The following SLC25A21 variants were observed in gnomAD, a reference collection of about 807,000 sequenced individuals.
The protein encoded by SLC25A21 is mitochondrial 2-oxodicarboxylate carrier.
In SLC25A21, 47 loss-of-function variants were observed where a neutral mutation model predicts 43.8. That is an observed-to-expected ratio of 1.07 (90% confidence interval 0.85 to 1.37). The LOEUF (loss-of-function observed/expected upper bound fraction) is 1.37. Among genes scored for constraint, SLC25A21 ranks in the 40% most tolerant of loss-of-function variants. SLC25A21 has a pLI of 0.00. For synonymous variants in SLC25A21, 131 were observed against 121.3 expected, an observed-to-expected ratio of 1.08 and a Z score of -0.52; for missense variants, 352 against 350.2, an observed-to-expected ratio of 1.00 and a Z score of -0.04.
At chr14:37,072,734 C>T (rs1962198345) in intron 1 of SLC25A21, among the ~76,000 whole-genome samples, 1 of 151,982 alleles carries the variant, frequency 6.6e-6, no homozygotes, top group Admixed American at 6.6e-5. Flanking sequence ...GAGCAAGACT[C>T]TGTCTCAAAA....
chr14:37,092,701 G>A (rs925369545), intron 1 of SLC25A21, among the ~76,000 whole-genome samples: 6 of 151,972 alleles, frequency 3.9e-5, no homozygotes, highest in East Asian at 1.9e-4. Flanking sequence ...AAAGTGGGGC[G>A]GAAAAACAAG....
At chr14:36,875,862 G>A (rs1206316620) in intron 1 of SLC25A21, among the ~76,000 whole-genome samples, 1 of 152,094 alleles carries the variant, frequency 6.6e-6, no homozygotes, top group East Asian at 1.9e-4. Context: ...TGTAACAATA[G>A]GAGTAGTACA....
intron 7 of SLC25A21, among the ~76,000 whole-genome samples, chr14:36,706,312 C>T (rs1883562468): frequency 6.6e-6 from 1 of 152,180 alleles, no homozygotes; most frequent in Non-Finnish European, 1.5e-5. Context: ...ATCTTCAAAA[C>T]AATCTTATCA....
chr14:37,157,221 C>T (rs527679426), intron 1 of SLC25A21, among the ~76,000 whole-genome samples: 2 of 152,084 alleles, frequency 1.3e-5, no homozygotes, highest in African/African-American at 4.8e-5. Context: ...ATTAACTGGG[C>T]ATGGTGGTGC....
intron 1 of SLC25A21, among the ~76,000 whole-genome samples, chr14:37,006,815 A>T (rs745329892): frequency 3.3e-5 from 5 of 152,200 alleles, no homozygotes; most frequent in Non-Finnish European, 5.9e-5. Flanking sequence ...GAAGCACAGA[A>T]ATATATTAAA....
At chr14:36,737,916 C>T (rs922844694) in intron 3 of SLC25A21, among the ~76,000 whole-genome samples, 9 of 152,276 alleles carry the variant, frequency 5.9e-5, no homozygotes, top group South Asian at 2.1e-4. Flanking sequence ...TGGCCTTTCT[C>T]GAATATTGGT....
At chr14:36,888,303 T>C (rs2138579055) in intron 1 of SLC25A21, among the ~76,000 whole-genome samples, 1 of 152,300 alleles carries the variant, frequency 6.6e-6, no homozygotes, top group South Asian at 2.1e-4. Flanking sequence ...TTATATTCTC[T>C]GTTCATCACA....
chr14:36,957,536 A>G (rs1594719059), intron 1 of SLC25A21, among the ~76,000 whole-genome samples: 2 of 152,338 alleles, frequency 1.3e-5, no homozygotes, highest in East Asian at 1.9e-4. Flanking sequence ...TTTCTGCTTC[A>G]CAGTTCTATG....
chr14:36,929,993 T>A (rs1032328915), intron 1 of SLC25A21, among the ~76,000 whole-genome samples: 1 of 152,100 alleles, frequency 6.6e-6, no homozygotes, highest in African/African-American at 2.4e-5. Flanking sequence ...CCGACTTCTC[T>A]GAGAATGCTG....
chr14:37,045,992 T>G (rs1961577843), intron 1 of SLC25A21, among the ~76,000 whole-genome samples: 3 of 152,228 alleles, frequency 2.0e-5, no homozygotes. Flanking sequence ...TGCCAGGACC[T>G]GTTTTCAGTG....
intron 1 of SLC25A21, among the ~76,000 whole-genome samples, chr14:36,908,311 G>T (rs1238104263): frequency 6.6e-6 from 1 of 152,116 alleles, no homozygotes; most frequent in African/African-American, 2.4e-5. Context: ...ATCTCTGCAT[G>T]GGCCTCTGTA....
intron 1 of SLC25A21, among the ~76,000 whole-genome samples, chr14:36,990,490 A>G (rs1311932148): frequency 6.6e-6 from 1 of 152,202 alleles, no homozygotes; most frequent in Non-Finnish European, 1.5e-5. Context: ...AATTCTGTAC[A>G]TGGAAATGAA....
intron 7 of SLC25A21, among the ~76,000 whole-genome samples, chr14:36,699,255 G>A (rs574706667): frequency 5.3e-5 from 8 of 152,192 alleles, no homozygotes; most frequent in East Asian, 1.9e-4. Context: ...TATCACCAGC[G>A]GAGGCTGAAG....
At chr14:36,693,783 C>T (rs1015532758) in intron 7 of SLC25A21, among the ~76,000 whole-genome samples, 5 of 151,932 alleles carry the variant, frequency 3.3e-5, no homozygotes, top group African/African-American at 1.2e-4. Context: ...CAGGTGTGAG[C>T]CAGCATGCTC....
At chr14:36,872,554 T>C (rs1890404803) in intron 2 of SLC25A21, among the ~76,000 whole-genome samples, 2 of 152,188 alleles carry the variant, frequency 1.3e-5, no homozygotes, top group Admixed American at 1.3e-4. Flanking sequence ...TCTACTTCTG[T>C]TGCAGTGTCA....
At chr14:37,062,286 T>C (rs1961963803) in intron 1 of SLC25A21, among the ~76,000 whole-genome samples, 2 of 152,134 alleles carry the variant, frequency 1.3e-5, no homozygotes, top group East Asian at 1.9e-4. Context: ...CCCATGGTAC[T>C]TTACCTATTA....
intron 2 of SLC25A21, among the ~76,000 whole-genome samples, chr14:36,834,687 C>T (rs1889149252): frequency 6.6e-6 from 1 of 152,110 alleles, no homozygotes; most frequent in South Asian, 2.1e-4. Context: ...GGGACACAGC[C>T]TCACTTCCTT....
chr14:36,736,888 G>T (rs1490459905), intron 3 of SLC25A21, among the ~76,000 whole-genome samples: 1 of 152,196 alleles, frequency 6.6e-6, no homozygotes, highest in African/African-American at 2.4e-5. Flanking sequence ...AACAAGAAAA[G>T]ACACATTTTT....
intron 1 of SLC25A21, among the ~76,000 whole-genome samples, chr14:36,940,872 T>C (rs141411262): frequency 1.3e-3 from 193 of 152,248 alleles, no homozygotes; most frequent in African/African-American, 4.4e-3. Context: ...AGAAAAGTAC[T>C]GTGAAGGAAT....
Sources: gnomAD v4.1 joint callset for allele counts (sites outside exome capture counted in the v4.1 genomes callset) on GRCh38, gnomAD v4.1.1 for gene constraint, MANE v1.5 for transcripts, NCBI Gene and HGNC (gene_info 2026-07-23, HGNC 2026-07-21) for gene names.